BAZ1A: variants seen among roughly 807,000 people sequenced by gnomAD.
BAZ1A encodes the protein bromodomain adjacent to zinc finger domain protein 1A.
Under a neutral mutation model 185.2 loss-of-function variants are expected in BAZ1A, and 50 were observed. The observed-to-expected ratio is 0.27, with a 90% CI of 0.22 to 0.34. The LOEUF is 0.34. Among genes scored for constraint, BAZ1A ranks in the 10% least tolerant of loss-of-function variants. The pLI, the probability that BAZ1A is intolerant of heterozygous loss-of-function variation, is 1.00. For missense variants in BAZ1A, 1,356 were observed against 1,839.9 expected, an observed-to-expected ratio of 0.74 and a Z score of 4.81; for synonymous variants, 571 against 615.6, an observed-to-expected ratio of 0.93 and a Z score of 1.07.
chr14:34,776,244 CA>C lies in BAZ1A; in HGVS notation c.2507del (p.Met836SerfsTer28). ...EEDYSGLTED[M>X]LLPRPSSFQN... ...GAAATGATGAAGGTCTAGGCAACAG[CA>C]TGTCTTCAGTAAGACCAGAATAATC... On this transcript the variant is annotated frameshift_variant, in exon 18 of 27. Transcript: ENST00000360310. LOFTEE classifies it high-confidence loss of function. The C allele has an allele frequency of 6.2e-7, 1 of 1,613,966 alleles. No individual in the cohort carries two copies. The highest frequency in any genetic ancestry group is 8.5e-7 in the Non-Finnish European group (1 of 1,179,856).
chr14:34,789,952 T>C (rs1375193735), intron 12 of BAZ1A, among the ~76,000 whole-genome samples: 2 of 152,188 alleles, frequency 1.3e-5, no homozygotes, highest in Non-Finnish European at 2.9e-5. Flanking sequence ...TAAGCCTCAG[T>C]TTCTTTATAT....
At chr14:34,839,839 C>CAAAAAAAAAA (rs60954768) in intron 3 of BAZ1A, among the ~76,000 whole-genome samples, 39 of 106,672 alleles carry the variant, frequency 3.7e-4, no homozygotes, top group South Asian at 1.2e-3. Flanking sequence ...GCCTCTGTTT[C>CAAAAAAAAAA]AAAAAAAAAA....
At chr14:34,759,184 T>TGTTTGTTTTTTTTTG (rs1555336964) in intron 24 of BAZ1A, among the ~76,000 whole-genome samples, 1 of 108,028 alleles carries the variant, frequency 9.3e-6, no homozygotes, top group Non-Finnish European at 1.8e-5. Context: ...TTTTTTTTTT[T>TGTTTGTTTTTTTTTG]TTTTTTTTTT....
intron 3 of BAZ1A, among the ~76,000 whole-genome samples, chr14:34,831,441 G>C (rs1014025066): frequency 6.6e-6 from 1 of 152,196 alleles, no homozygotes; most frequent in African/African-American, 2.4e-5. Context: ...CTACATGGAG[G>C]AGACAGTGTG....
Position 34,827,639 on chromosome 14 carries a change from G to T in BAZ1A, c.393-1483C>A, listed in dbSNP as rs1019404650. ...AGTCCCAGCTACTCGGGAGGCTGGG[G>T]CAGGAGAATGGCGTGAACCCAGGAG... On this transcript the variant is annotated intron_variant, in intron 3 of 26. Transcript: ENST00000360310. Among the ~76,000 whole-genome samples the T allele has an allele frequency of 2.0e-5, 3 of 151,960 alleles. No homozygotes were observed. In the East Asian group the frequency reaches 5.8e-4, roughly 30 times the overall value.
intron 12 of BAZ1A, among the ~76,000 whole-genome samples, chr14:34,787,351 CAAA>C (rs918534072): frequency 2.4e-5 from 1 of 41,488 alleles, no homozygotes; most frequent in Non-Finnish European, 5.6e-5. Flanking sequence ...GACTCTGTCT[CAAA>C]AAAAAAAAAA....
chr14:34,851,910 G>C (rs908231290), intron 3 of BAZ1A, among the ~76,000 whole-genome samples: 1 of 151,024 alleles, frequency 6.6e-6, no homozygotes, highest in Non-Finnish European at 1.5e-5. Context: ...GGCGGATCAC[G>C]AGGTCAGGAG....
At chr14:34,762,920 T>G (rs1886584587) in intron 23 of BAZ1A, among the ~76,000 whole-genome samples, 1 of 152,160 alleles carries the variant, frequency 6.6e-6, no homozygotes. Flanking sequence ...AAAATGAAAT[T>G]CTTTTGTCTC....
chr14:34,833,226 C>CA (rs771931661), intron 3 of BAZ1A, among the ~76,000 whole-genome samples: 34 of 150,736 alleles, frequency 2.3e-4, no homozygotes, highest in East Asian at 7.8e-4. Flanking sequence ...GAAAAACAAA[C>CA]AAACAAAAAA....
At chr14:34,872,991 ATT>A (rs1462989618) in intron 2 of BAZ1A, among the ~76,000 whole-genome samples, 1 of 149,872 alleles carries the variant, frequency 6.7e-6, no homozygotes, top group Non-Finnish European at 1.5e-5. Context: ...CGAGAACTCT[ATT>A]TGAGTAACAA....
At position 34,776,057 on chromosome 14, in the gene BAZ1A, C is replaced by T. The variant is rs753224905; in HGVS notation, c.2695G>A (p.Glu899Lys). The T allele has an allele frequency of 1.2e-5, 19 of 1,614,040 alleles. No homozygotes were observed. The highest frequency in any genetic ancestry group is 1.6e-5 in the Non-Finnish European group (19 of 1,180,022). ...PNRWCFYSSC[E>K]QLDQLIEALN... ...GCTTCAATAAGCTGGTCTAGCTGTT[C>T]ACAAGAACTGTAAAAGCACCACCGA... The change falls in exon 18 of 27, where the codon GAA becomes AAA. Residue 899 changes from glutamate (E) to lysine (K), a missense_variant. Glu to Lys is a moderately conservative substitution (Grantham distance 56). Around this residue, in one of 7 missense-constraint regions of BAZ1A, gnomAD observed 434 missense variants for 561.7 expected, o/e 0.77. Coordinates refer to ENST00000360310, the MANE Select transcript of BAZ1A (RefSeq NM_013448.3).
rs1879750461 is a variant in BAZ1A, at chr14:34,777,827, C to A, written c.2237-1312G>T. On this transcript the variant is annotated intron_variant, in intron 17 of 26. Coordinates refer to ENST00000360310, the MANE Select transcript of BAZ1A (RefSeq NM_013448.3). Reference sequence around the variant, plus strand: ...GCCAACATGGCAAAACCCATCATTACTAAAAATACAAAAATCAGCCAGGTG... The same window carrying A: ...GCCAACATGGCAAAACCCATCATTAATAAAAATACAAAAATCAGCCAGGTG... 2.0e-5 allele frequency among the ~76,000 whole-genome samples: 3 copies of A among 151,772 alleles called. No homozygotes were observed. The South Asian group carries it at 6.2e-4, about 32-fold the overall frequency.
chr14:34,859,430 A>C (rs2042734167), intron 3 of BAZ1A, among the ~76,000 whole-genome samples: 1 of 14,866 alleles, frequency 6.7e-5, no homozygotes, highest in South Asian at 2.5e-3. Context: ...GACCCTGTCA[A>C]AAAAAAAAAA....
chr14:34,869,868 TC>T (rs1566607197), intron 2 of BAZ1A, among the ~76,000 whole-genome samples: 1 of 152,162 alleles, frequency 6.6e-6, no homozygotes, highest in African/African-American at 2.4e-5. Context: ...ATTCTCACCC[TC>T]TTGAAACTCT....
At chr14:34,786,099 C>CAA in intron 13 of BAZ1A, 27 bp downstream of exon 13, 13 of 1,339,616 alleles carry the variant, frequency 9.7e-6, no homozygotes, top group East Asian at 8.0e-5. Context: ...AAAAGCCAAA[C>CAA]AAAAAAAAAA....
Position 34,764,736 on chromosome 14 carries a change from T to C in BAZ1A, c.3747A>G (p.Glu1249=), listed in dbSNP as rs2138555043. ...CTTCTTCCTCTTCTTGAGAGTCATC[T>C]TCATCTTGTTCTACCTCATACTCTT... ...EEEEYEVEQD[E]DDSQEEEEVS... The change falls in exon 23 of 27, where the codon GAA becomes GAG. Residue 1249 remains glutamate, a synonymous_variant. Coordinates refer to ENST00000360310, the MANE Select transcript of BAZ1A (RefSeq NM_013448.3). 3.1e-6 allele frequency: 5 copies of C among 1,609,264 alleles called. No individual in the cohort carries two copies. In the East Asian group the frequency reaches 6.7e-5, roughly 22 times the overall value.
At chr14:34,819,564 A>AT (rs1382781448) in intron 4 of BAZ1A, among the ~76,000 whole-genome samples, 1 of 152,184 alleles carries the variant, frequency 6.6e-6, no homozygotes, top group East Asian at 1.9e-4. Flanking sequence ...CTTTTAGTAC[A>AT]TGTGCATTTA....
At chr14:34,867,666 T>C (rs1176166674) in intron 2 of BAZ1A, among the ~76,000 whole-genome samples, 8 of 152,218 alleles carry the variant, frequency 5.3e-5, no homozygotes, top group Non-Finnish European at 7.3e-5. Context: ...TGTTACATTA[T>C]AGCTTCACTG....
At chr14:34,806,997 T>G (rs1330881100) in intron 6 of BAZ1A, among the ~76,000 whole-genome samples, 2 of 150,776 alleles carry the variant, frequency 1.3e-5, no homozygotes, top group Non-Finnish European at 2.9e-5. Context: ...TCAAGCAGTA[T>G]GTACACTTTG....
Sources: gnomAD v4.1 joint callset for allele counts (sites outside exome capture counted in the v4.1 genomes callset) on GRCh38, gnomAD v4.1.1 for gene constraint, gnomAD v4.1.1 regional missense constraint, MANE v1.5 for transcripts, NCBI Gene and HGNC (gene_info 2026-07-23, HGNC 2026-07-21) for gene names.